The following MGST1 variants were observed in gnomAD, a reference collection of about 807,000 sequenced individuals.
MGST1 encodes the protein microsomal glutathione S-transferase 1, also known as glutathione S-transferase 12.
MGST1 carries 5 observed loss-of-function variants against 8.9 expected under a neutral mutation model. The observed-to-expected ratio is 0.56, with a 90% CI of 0.29 to 1.19. The LOEUF (loss-of-function observed/expected upper bound fraction) is 1.19. MGST1 is among the 50% of genes most tolerant of loss of function. The pLI is 0.08. For missense variants in MGST1, 182 were observed against 187.4 expected (o/e 0.97, Z 0.17); for synonymous variants, 54 against 67.8 (o/e 0.80, Z 1.00).
intron 1 of MGST1, among the ~76,000 whole-genome samples, chr12:16,425,710 C>A (rs1940879657): frequency 6.6e-6 from 1 of 152,200 alleles, no homozygotes; most frequent in Non-Finnish European, 1.5e-5. Context: ...GAACATGCAG[C>A]AGAATCTCAG....
chr12:16,420,136 AAAT>A (rs60001930), intron 1 of MGST1, among the ~76,000 whole-genome samples: 2,910 of 152,304 alleles, frequency 0.019, 91 homozygotes, highest in African/African-American at 0.062. Context: ...GAATCATACA[AAAT>A]AATTTTTTCT....
chr12:16,447,223 A>G (rs1018051850), intron 4 of MGST1, among the ~76,000 whole-genome samples: 2 of 151,916 alleles, frequency 1.3e-5, no homozygotes, highest in African/African-American at 2.4e-5. Context: ...ATCTAGTTTC[A>G]TGTCCTGCCT....
intron 1 of MGST1, among the ~76,000 whole-genome samples, chr12:16,423,593 C>T (rs1456206438): frequency 1.3e-5 from 2 of 152,154 alleles, no homozygotes; most frequent in African/African-American, 4.8e-5. Context: ...TATTTATCCT[C>T]TAGAATTATT....
downstream of MGST1, among the ~76,000 whole-genome samples, chr12:16,443,644 T>A (rs965499769): frequency 6.6e-6 from 1 of 151,936 alleles, no homozygotes; most frequent in Non-Finnish European, 1.5e-5. Flanking sequence ...TTTTGTTTGT[T>A]GTCCATTTTA....
chr12:16,455,336 G>A (rs1190962272), intron 4 of MGST1, among the ~76,000 whole-genome samples: 1 of 151,840 alleles, frequency 6.6e-6, no homozygotes, highest in Non-Finnish European at 1.5e-5. Context: ...AAGAAAATGA[G>A]GTTTAGAAGC....
chr12:16,448,476 C>CA (rs1157978051), intron 4 of MGST1, among the ~76,000 whole-genome samples: 1 of 151,542 alleles, frequency 6.6e-6, no homozygotes, highest in South Asian at 2.1e-4. Context: ...ATTATCAATT[C>CA]AAAAAATATC....
At chr12:16,360,980 T>TCCC (rs4149217) in intron 3 of MGST1, among the ~76,000 whole-genome samples, 3 of 144,248 alleles carry the variant, frequency 2.1e-5, no homozygotes, top group South Asian at 2.3e-4. Context: ...TTTATAGTGT[T>TCCC]CCCCCCCTCC....
At chr12:16,478,236 G>A (rs142825865) in intron 4 of MGST1, among the ~76,000 whole-genome samples, 16 of 152,184 alleles carry the variant, frequency 1.1e-4, no homozygotes, top group South Asian at 6.2e-4. Context: ...CACCATGTTG[G>A]CCAAGATGGT....
At chr12:16,539,764 T>C (rs1189220327) in intron 4 of MGST1, among the ~76,000 whole-genome samples, 4 of 152,194 alleles carry the variant, frequency 2.6e-5, no homozygotes, top group Non-Finnish European at 5.9e-5. Context: ...TCATGTCTGA[T>C]TGTTTTCCAC....
At chr12:16,538,511 C>T (rs1941771024) in intron 4 of MGST1, among the ~76,000 whole-genome samples, 1 of 152,044 alleles carries the variant, frequency 6.6e-6, no homozygotes, top group Admixed American at 6.5e-5. Context: ...CTGATAAACA[C>T]ATACCTGAGA....
intron 4 of MGST1, among the ~76,000 whole-genome samples, chr12:16,505,498 T>A (rs1941532171): frequency 6.6e-6 from 1 of 152,178 alleles, no homozygotes; most frequent in African/African-American, 2.4e-5. Flanking sequence ...GGCATCACTG[T>A]CTAACAGATC....
intron 4 of MGST1, among the ~76,000 whole-genome samples, chr12:16,490,662 C>G: frequency 6.6e-6 from 1 of 152,018 alleles, no homozygotes; most frequent in Non-Finnish European, 1.5e-5. Flanking sequence ...TTATACAAAC[C>G]TATGAAGCTG....
intron 4 of MGST1, among the ~76,000 whole-genome samples, chr12:16,525,333 C>T (rs1168133006): frequency 2.8e-5 from 4 of 143,934 alleles, no homozygotes; most frequent in African/African-American, 1.0e-4. Flanking sequence ...GTGATATTCC[C>T]CTTCCTGTGC....
rs189254270 is a variant in MGST1, at chr12:16,414,342, C to T, written n.779-23046C>T. On this transcript the variant is annotated intron_variant and non_coding_transcript_variant, in intron 1 of 1. Coordinates refer to the MGST1 transcript ENST00000359720. The stretch of plus-strand genomic sequence containing the variant: ...GACTTGAAAGATTTATGTTTTCCTC[C>T]GTATTACCTGATTTCTTTTTTTTTT... 3.2e-3 allele frequency among the ~76,000 whole-genome samples: 473 copies of T among 147,152 alleles called. 3 individuals carry two copies. The highest frequency in any genetic ancestry group is 9.7e-3 in the African/African-American group (391 of 40,302).
chr12:16,417,874 A>G (rs1211753119), intron 1 of MGST1, among the ~76,000 whole-genome samples: 1 of 152,222 alleles, frequency 6.6e-6, no homozygotes, highest in African/African-American at 2.4e-5. Context: ...TTAAAATACA[A>G]AAGCAGTAAA....
chr12:16,412,552 C>T (rs1260953419), intron 1 of MGST1, among the ~76,000 whole-genome samples: 2 of 152,162 alleles, frequency 1.3e-5, no homozygotes, highest in African/African-American at 4.8e-5. Flanking sequence ...ACTCCCAAAT[C>T]TCACCTTGAA....
downstream of MGST1, among the ~76,000 whole-genome samples, chr12:16,364,731 C>G (rs1940153377): frequency 6.6e-6 from 1 of 152,024 alleles, no homozygotes; most frequent in Non-Finnish European, 1.5e-5. The surrounding 1 kb of genome is among the most constrained non-coding windows in gnomAD (Gnocchi z 5.7). Flanking sequence ...ATATAGAGTC[C>G]TTATTCCAAT....
intron 3 of MGST1, chr12:16,360,373 A>G (rs988188221): frequency 1.3e-5 from 13 of 985,154 alleles, no homozygotes; most frequent in African/African-American, 8.7e-5. Flanking sequence ...AGTGAAAAGT[A>G]TGCTTTACCG....
At chr12:16,590,395 A>G (rs1943453769), downstream of MGST1, among the ~76,000 whole-genome samples, 1 of 152,034 alleles carries the variant, frequency 6.6e-6, no homozygotes, top group African/African-American at 2.4e-5. Context: ...TAAGTGCTGG[A>G]TTTAGAAACA....
Sources: gnomAD v4.1 joint callset for allele counts (sites outside exome capture counted in the v4.1 genomes callset) on GRCh38, gnomAD v4.1.1 for gene constraint, Gnocchi (gnomAD v3.1) non-coding constraint, MANE v1.5 for transcripts, NCBI Gene and HGNC (gene_info 2026-07-23, HGNC 2026-07-21) for gene names.